The following ADAMTSL1 variants were observed in gnomAD, a reference collection of about 807,000 sequenced individuals.
The protein encoded by ADAMTSL1 is ADAMTS-like protein 1.
ADAMTSL1 carries 126 observed loss-of-function variants against 201.8 expected under a neutral mutation model. That is an observed-to-expected ratio of 0.62 (90% CI 0.54 to 0.72). The LOEUF is 0.72. Among genes scored for constraint, ADAMTSL1 ranks in the 30% least tolerant of loss-of-function variants. ADAMTSL1 has a pLI of 0.00. For missense variants in ADAMTSL1, 2,679 were observed against 2,277.8 expected (o/e 1.18, Z -3.59); for synonymous variants, 1,121 against 903.4 (o/e 1.24, Z -4.32).
At chr9:17,952,792 G>A (rs4415418) in intron 1 of ADAMTSL1, among the ~76,000 whole-genome samples, 1 of 151,504 alleles carries the variant, frequency 6.6e-6, no homozygotes, top group Non-Finnish European at 1.5e-5. Flanking sequence ...CTCCCAAAGT[G>A]CCGGGCTTAC....
intron 7 of ADAMTSL1, among the ~76,000 whole-genome samples, chr9:18,645,739 T>C (rs1404754011): frequency 1.4e-5 from 2 of 147,364 alleles, no homozygotes; most frequent in African/African-American, 5.0e-5. Flanking sequence ...TTCTGTTCCA[T>C]TGATCTATAT....
chr9:18,869,787 ATGATG>A (rs1827773592), intron 23 of ADAMTSL1, among the ~76,000 whole-genome samples: 1 of 152,152 alleles, frequency 6.6e-6, no homozygotes, highest in African/African-American at 2.4e-5. Context: ...CAATTTGACT[ATGATG>A]TGCATAGGTG....
At chr9:18,122,707 C>T (rs1825552797) in intron 1 of ADAMTSL1, among the ~76,000 whole-genome samples, 1 of 152,184 alleles carries the variant, frequency 6.6e-6, no homozygotes, top group African/African-American at 2.4e-5. Context: ...GAGTTACATA[C>T]ATCTTCTTTT....
At chr9:18,383,975 G>C (rs1306346006) in intron 2 of ADAMTSL1, among the ~76,000 whole-genome samples, 1 of 152,108 alleles carries the variant, frequency 6.6e-6, no homozygotes, top group African/African-American at 2.4e-5. Context: ...GCCAGGTAAT[G>C]GTGATACTGC....
chr9:18,178,022 G>A (rs145986848), intron 2 of ADAMTSL1, among the ~76,000 whole-genome samples: 3 of 152,328 alleles, frequency 2.0e-5, no homozygotes, highest in African/African-American at 7.2e-5. Flanking sequence ...GGGAAGAGGA[G>A]CCCAGATGGC....
chr9:18,562,413 G>A (rs964060520), intron 3 of ADAMTSL1, among the ~76,000 whole-genome samples: 1 of 152,132 alleles, frequency 6.6e-6, no homozygotes, highest in Non-Finnish European at 1.5e-5. Flanking sequence ...GCTTCCCTTT[G>A]TCAGTACCCG....
At chr9:18,875,111 A>G (rs1248409311) in intron 23 of ADAMTSL1, among the ~76,000 whole-genome samples, 1 of 152,042 alleles carries the variant, frequency 6.6e-6, no homozygotes, top group Non-Finnish European at 1.5e-5. Flanking sequence ...CATTTGAAAC[A>G]TCTCCCATTT....
At position 18,777,909 on chromosome 9, in the gene ADAMTSL1, G is replaced by C. The variant is rs775384919; in HGVS notation, c.3677+3G>C. On this transcript the variant is annotated splice_donor_region_variant and intron_variant, in intron 19 of 28. Coordinates refer to ENST00000380548, the MANE Select transcript of ADAMTSL1 (RefSeq NM_001040272.6). ...GAAGAAGTTCAGTTCAGTGACAGGT[G>C]AGCCTTGTAGCTAACCTGGTCTTGG... is the stretch of plus-strand genomic sequence containing the variant. 6.5e-7 allele frequency: 1 copy of C among 1,533,664 alleles called. No individual in the cohort carries two copies. The highest frequency in any genetic ancestry group is 8.8e-7 in the Non-Finnish European group (1 of 1,137,580).
At chr9:18,100,165 A>C (rs1260822077) in intron 1 of ADAMTSL1, among the ~76,000 whole-genome samples, 1 of 152,136 alleles carries the variant, frequency 6.6e-6, no homozygotes, top group Non-Finnish European at 1.5e-5. Context: ...CATGTCCTCC[A>C]GAATTTTTGT....
rs1340745466 is a variant in ADAMTSL1 at position 18,909,631 on chromosome 9, C to T, written c.*1083C>T. ...ACTATGGTTAACTTATCAACATCAACCCATTAACTAGTCACTGTGCCAGAG... is the reference window on the plus strand; with the variant it reads ...ACTATGGTTAACTTATCAACATCAATCCATTAACTAGTCACTGTGCCAGAG... On this transcript the variant is annotated 3_prime_UTR_variant, in exon 29 of 29. Coordinates refer to ENST00000380548, the MANE Select transcript of ADAMTSL1 (RefSeq NM_001040272.6). 1 of 150,870 alleles carries T rather than the reference C, an allele frequency of 6.6e-6. No homozygotes were observed. The highest frequency in any genetic ancestry group is 2.4e-5 in the African/African-American group (1 of 40,874). The allele number at this position is 150,870 out of a possible 1,614,324, so 9.3% of individuals were successfully genotyped here.
intron 1 of ADAMTSL1, among the ~76,000 whole-genome samples, chr9:18,092,428 C>T (rs1173063138): frequency 1.3e-5 from 2 of 152,160 alleles, no homozygotes; most frequent in Admixed American, 6.6e-5. Context: ...TAGGGAAATG[C>T]GTGTACACAC....
chr9:18,428,892 CTG>C (rs1312524016), intron 2 of ADAMTSL1, among the ~76,000 whole-genome samples: 4 of 152,198 alleles, frequency 2.6e-5, no homozygotes, highest in African/African-American at 9.6e-5. Context: ...AGTTCAAAAA[CTG>C]AGCAGATTAG....
chr9:18,805,382 T>G (rs1473831752), intron 20 of ADAMTSL1, among the ~76,000 whole-genome samples: 1 of 147,360 alleles, frequency 6.8e-6, no homozygotes, highest in African/African-American at 2.4e-5. Flanking sequence ...TTCTTTAACG[T>G]TTTGCTTTCT....
At chr9:18,186,972 C>G (rs1340795534) in intron 2 of ADAMTSL1, among the ~76,000 whole-genome samples, 1 of 152,098 alleles carries the variant, frequency 6.6e-6, no homozygotes, top group Non-Finnish European at 1.5e-5. Context: ...TCAAGACTTT[C>G]AACTCTAAAT....
intron 1 of ADAMTSL1, among the ~76,000 whole-genome samples, chr9:18,028,141 G>A (rs1047202839): frequency 1.3e-5 from 2 of 152,020 alleles, no homozygotes; most frequent in Non-Finnish European, 2.9e-5. Context: ...CAGAGTGTTA[G>A]GCTGTTTAAA....
chr9:18,563,388 C>T (rs1821661261), intron 3 of ADAMTSL1, among the ~76,000 whole-genome samples: 1 of 152,182 alleles, frequency 6.6e-6, no homozygotes, highest in Non-Finnish European at 1.5e-5. Context: ...CTGGAAGCTT[C>T]ATCCCAGAGG....
At chr9:18,841,432 G>A (rs373996479) in intron 23 of ADAMTSL1, among the ~76,000 whole-genome samples, 17 of 152,010 alleles carry the variant, frequency 1.1e-4, no homozygotes, top group African/African-American at 2.9e-4. Context: ...TGCTGGATTC[G>A]GTTTGCCAGT....
intron 1 of ADAMTSL1, among the ~76,000 whole-genome samples, chr9:18,085,141 G>T (rs1008350354): frequency 6.6e-6 from 1 of 152,040 alleles, no homozygotes; most frequent in Non-Finnish European, 1.5e-5. Flanking sequence ...AAATTAATAG[G>T]GAATGTGTAG....
Position 18,409,492 on chromosome 9 carries a change from A to G in ADAMTSL1, c.208-95337A>G, listed in dbSNP as rs575811718. On this transcript the variant is annotated intron_variant, in intron 2 of 29. Coordinates refer to the ADAMTSL1 transcript ENST00000680146. Reference sequence around the variant, plus strand: ...AACCTAATCAAAAACTGACATTCTAATCATATACTTCCATTTGCATGCCAT... The same window carrying G: ...AACCTAATCAAAAACTGACATTCTAGTCATATACTTCCATTTGCATGCCAT... Among the ~76,000 whole-genome samples, 8 of 151,912 alleles carry G rather than the reference A, an allele frequency of 5.3e-5. No individual in the cohort carries two copies. In the South Asian group the frequency reaches 1.5e-3, roughly 28 times the overall value.
Sources: allele counts gnomAD v4.1 joint callset (sites outside exome capture counted in the v4.1 genomes callset), GRCh38; gene constraint gnomAD v4.1.1; transcripts MANE v1.5; gene names NCBI Gene and HGNC (gene_info 2026-07-23, HGNC 2026-07-21).